TASP1: variants seen among roughly 807,000 people sequenced by gnomAD.
TASP1 encodes threonine aspartase 1.
Under a neutral mutation model 56.6 loss-of-function variants are expected in TASP1, and 16 were observed. That is an observed-to-expected ratio of 0.28 (90% confidence interval 0.19 to 0.43). The LOEUF is 0.43. TASP1 is among the 20% of genes least tolerant of loss of function. The pLI is 1.00. For missense variants in TASP1, 393 were observed against 511.6 expected (o/e 0.77, Z 2.24); for synonymous variants, 179 against 184.2 (o/e 0.97, Z 0.23).
the TASP1 span, among the ~76,000 whole-genome samples, chr20:13,348,092 T>C: frequency 6.6e-6 from 1 of 152,064 alleles, no homozygotes; most frequent in Non-Finnish European, 1.5e-5. Context: ...GTTACCAGCA[T>C]CTAGTGGGAA....
At chr20:13,375,870 A>G in the TASP1 span, among the ~76,000 whole-genome samples, 6 of 151,478 alleles carry the variant, frequency 4.0e-5, no homozygotes, top group African/African-American at 1.5e-4. Flanking sequence ...GGCTGCATAA[A>G]TGTCTTCTTT....
At chr20:13,337,776 G>A in the TASP1 span, among the ~76,000 whole-genome samples, 2 of 152,218 alleles carry the variant, frequency 1.3e-5, no homozygotes, top group Non-Finnish European at 2.9e-5. Flanking sequence ...AGGCCAGAAG[G>A]AAAGGAAATG....
chr20:13,456,456 T>A (rs1214281868), intron 11 of TASP1, among the ~76,000 whole-genome samples: 1 of 152,112 alleles, frequency 6.6e-6, no homozygotes, highest in Non-Finnish European at 1.5e-5. Context: ...TTTTGTTTGC[T>A]ATCCTAAAGA....
intron 8 of TASP1, among the ~76,000 whole-genome samples, chr20:13,545,564 A>G (rs1210005747): frequency 6.6e-6 from 1 of 152,212 alleles, no homozygotes; most frequent in Non-Finnish European, 1.5e-5. Context: ...AACTTTATCA[A>G]CTGACATTCC....
chr20:13,476,350 A>C (rs1010200938), intron 11 of TASP1, among the ~76,000 whole-genome samples: 2 of 152,160 alleles, frequency 1.3e-5, no homozygotes, highest in Non-Finnish European at 2.9e-5. Context: ...AGTTTCATAC[A>C]TCTAGGACTA....
chr20:13,201,709 G>C, the TASP1 span, among the ~76,000 whole-genome samples: 2 of 150,930 alleles, frequency 1.3e-5, no homozygotes, highest in African/African-American at 4.9e-5. Context: ...ATGAAGAAAA[G>C]TTTGGGATGA....
intron 10 of TASP1, among the ~76,000 whole-genome samples, chr20:13,505,353 T>C (rs773762032): frequency 3.5e-4 from 54 of 152,304 alleles, no homozygotes; most frequent in African/African-American, 8.4e-4. Flanking sequence ...GGATAGATTA[T>C]GCAAATAGAA....
intron 10 of TASP1, among the ~76,000 whole-genome samples, chr20:13,514,757 C>G (rs2044459978): frequency 6.6e-6 from 1 of 152,028 alleles, no homozygotes; most frequent in South Asian, 2.1e-4. Context: ...AAAAGAAAAA[C>G]ACAACATACA....
intron 12 of TASP1, among the ~76,000 whole-genome samples, chr20:13,423,105 T>G (rs949566404): frequency 6.6e-6 from 1 of 152,198 alleles, no homozygotes; most frequent in African/African-American, 2.4e-5. Flanking sequence ...AGCAAGAAAC[T>G]GGAAACCAAT....
the TASP1 span, among the ~76,000 whole-genome samples, chr20:13,162,644 C>T: frequency 6.6e-6 from 1 of 152,216 alleles, no homozygotes; most frequent in African/African-American, 2.4e-5. Flanking sequence ...TACTTAATGT[C>T]TCCCTCTTCT....
At chr20:13,259,458 A>T in the TASP1 span, among the ~76,000 whole-genome samples, 1 of 152,194 alleles carries the variant, frequency 6.6e-6, no homozygotes, top group East Asian at 1.9e-4. Context: ...TAAAATTTTC[A>T]TAATATTAAA....
intron 13 of TASP1, among the ~76,000 whole-genome samples, chr20:13,408,875 T>C (rs2042008934): frequency 6.6e-6 from 1 of 152,064 alleles, no homozygotes; most frequent in South Asian, 2.1e-4. Context: ...CTTTCTTTCC[T>C]AATCATTCTT....
At chr20:13,405,882 G>A (rs956517518) in intron 13 of TASP1, among the ~76,000 whole-genome samples, 11 of 152,162 alleles carry the variant, frequency 7.2e-5, no homozygotes, top group South Asian at 6.2e-4. Context: ...ACAAATTTCC[G>A]TCTATAATTC....
chr20:13,274,207 C>G, the TASP1 span, among the ~76,000 whole-genome samples: 5 of 152,164 alleles, frequency 3.3e-5, no homozygotes, highest in Admixed American at 2.0e-4. Context: ...GTGCTTTCTA[C>G]AAGGAGGTGA....
intron 11 of TASP1, among the ~76,000 whole-genome samples, chr20:13,452,324 C>T (rs1386686301): frequency 1.3e-5 from 2 of 151,190 alleles, no homozygotes; most frequent in South Asian, 4.2e-4. Context: ...ATGAGGTATG[C>T]CTCTATTCCA....
chr20:13,125,113 G>A, the TASP1 span, among the ~76,000 whole-genome samples: 5 of 152,216 alleles, frequency 3.3e-5, no homozygotes, highest in Non-Finnish European at 7.3e-5. Flanking sequence ...TAGGTGGGCT[G>A]ATGGAGGGTC....
chr20:13,119,341 A>T, the TASP1 span, among the ~76,000 whole-genome samples: 3 of 152,178 alleles, frequency 2.0e-5, no homozygotes, highest in Admixed American at 6.5e-5. Flanking sequence ...TACCCACTTT[A>T]AACAAAGGCT....
chr20:13,611,817 T>C (rs1318450024), intron 4 of TASP1, among the ~76,000 whole-genome samples: 1 of 152,240 alleles, frequency 6.6e-6, no homozygotes, highest in Admixed American at 6.5e-5. Flanking sequence ...ATCTCATTTT[T>C]GCCAAGATAA....
At chr20:13,469,399 C>T (rs2044386989) in intron 11 of TASP1, among the ~76,000 whole-genome samples, 1 of 152,154 alleles carries the variant, frequency 6.6e-6, no homozygotes, top group South Asian at 2.1e-4. Flanking sequence ...AAACCAACTT[C>T]CATTTTGAGA....
Sources: gnomAD v4.1 joint callset for allele counts (sites outside exome capture counted in the v4.1 genomes callset) on GRCh38, gnomAD v4.1.1 for gene constraint, MANE v1.5 for transcripts, NCBI Gene and HGNC (gene_info 2026-07-23, HGNC 2026-07-21) for gene names.